PPP1R12A: variants seen among roughly 807,000 people sequenced by gnomAD.
The protein encoded by PPP1R12A is myosin binding subunit.
In PPP1R12A, 19 loss-of-function variants were observed where a neutral mutation model predicts 139.6. The ratio of observed to expected loss-of-function variants is 0.14; its 90% CI spans 0.09 to 0.20. The LOEUF (loss-of-function observed/expected upper bound fraction) is 0.20. PPP1R12A is among the 10% of genes least tolerant of loss of function. The pLI is 1.00. For missense variants in PPP1R12A, 925 were observed against 1,211.5 expected (o/e 0.76, Z 3.51); for synonymous variants, 427 against 420.6 (o/e 1.02, Z -0.19).
At position 79,877,170 on chromosome 12, in the gene PPP1R12A, G is replaced by A. The variant is rs1481016233; in HGVS notation, c.238-4232C>T. 2.6e-5 allele frequency among the ~76,000 whole-genome samples: 4 copies of A among 152,154 alleles called. 1 individual carries two copies. Among genetic ancestry groups the A allele is most frequent in the African/African-American group, 9.6e-5 (4 of 41,512 alleles). On this transcript the variant is annotated intron_variant, in intron 1 of 24. Transcript: ENST00000450142. ...AAGTGGAGGGAAGAAGTGTGAGGGG[G>A]TATTTATCATAAAAATTCCCTACCA...
intron 1 of PPP1R12A, among the ~76,000 whole-genome samples, chr12:79,927,372 A>G (rs1008518696): frequency 4.6e-5 from 7 of 152,358 alleles, no homozygotes; most frequent in South Asian, 4.1e-4. Flanking sequence ...TAATCTTGGC[A>G]CTTCCTAAAA....
In PPP1R12A at chr12:79,907,248, T is replaced by G. The variant is rs181174467; in HGVS notation, c.237+27447A>C. On this transcript the variant is annotated intron_variant, in intron 1 of 24. Coordinates refer to ENST00000450142, the MANE Select transcript of PPP1R12A (RefSeq NM_002480.3). ...AAGATTATTAAGAACAGGCAGACTC[T>G]GTCCTTCTTTTAGCTCTACTAAAAC... 1.4e-4 allele frequency among the ~76,000 whole-genome samples: 22 copies of G among 152,312 alleles called. No homozygotes were observed. In the East Asian group the frequency reaches 4.2e-3, roughly 29 times the overall value.
intron 1 of PPP1R12A, among the ~76,000 whole-genome samples, chr12:79,913,212 C>A (rs1886729055): frequency 6.6e-6 from 1 of 152,250 alleles, no homozygotes; most frequent in Non-Finnish European, 1.5e-5. Flanking sequence ...TATGCACACA[C>A]AATCTTTTCC....
At chr12:79,845,695 G>A (rs1454038434) in intron 2 of PPP1R12A, among the ~76,000 whole-genome samples, 1 of 151,994 alleles carries the variant, frequency 6.6e-6, no homozygotes, top group East Asian at 1.9e-4. Context: ...AATTAGCCGG[G>A]CGTGGTGGTG....
chr12:79,893,653 A>G (rs1884867640), intron 1 of PPP1R12A, among the ~76,000 whole-genome samples: 1 of 152,220 alleles, frequency 6.6e-6, no homozygotes, highest in Non-Finnish European at 1.5e-5. Flanking sequence ...TAGCTGACTT[A>G]CTACAGGAGA....
At chr12:79,795,559 AT>A (rs1459989512) in intron 18 of PPP1R12A, 78 bp downstream of exon 18, 2 of 1,378,032 alleles carry the variant, frequency 1.5e-6, no homozygotes, top group East Asian at 2.4e-5. Context: ...CATATAAGAA[AT>A]TATTAGTATG....
At chr12:79,917,877 C>A (rs982080516) in intron 1 of PPP1R12A, among the ~76,000 whole-genome samples, 1 of 152,074 alleles carries the variant, frequency 6.6e-6, no homozygotes, top group Non-Finnish European at 1.5e-5. Context: ...AAAAATCCAA[C>A]ATGCTCTGAG....
intron 4 of PPP1R12A, among the ~76,000 whole-genome samples, chr12:79,831,698 T>A (rs562065584): frequency 2.6e-5 from 4 of 152,314 alleles, no homozygotes; most frequent in African/African-American, 9.6e-5. Flanking sequence ...TAATTTTATA[T>A]ATTGAATAAT....
At chr12:79,926,897 T>C (rs921575174) in intron 1 of PPP1R12A, among the ~76,000 whole-genome samples, 1 of 152,012 alleles carries the variant, frequency 6.6e-6, no homozygotes, top group Non-Finnish European at 1.5e-5. Context: ...CTGTAAATGA[T>C]TAAAAAAAAC....
At chr12:79,879,860 C>T (rs371683175) in intron 1 of PPP1R12A, among the ~76,000 whole-genome samples, 132 of 150,334 alleles carry the variant, frequency 8.8e-4, no homozygotes, top group African/African-American at 2.8e-3. Context: ...AATTATACCT[C>T]AAGTTAAAAA....
chr12:79,812,352 T>G (rs941338412), intron 9 of PPP1R12A, among the ~76,000 whole-genome samples: 6 of 151,298 alleles, frequency 4.0e-5, no homozygotes, highest in African/African-American at 1.2e-4. Flanking sequence ...TTTTTCTTTT[T>G]ACTCTGACCA....
intron 1 of PPP1R12A, among the ~76,000 whole-genome samples, chr12:79,928,769 C>T (rs1332262435): frequency 6.6e-6 from 1 of 152,160 alleles, no homozygotes; most frequent in Non-Finnish European, 1.5e-5. Flanking sequence ...TTTTACACTT[C>T]ACATCTTAAG....
intron 12 of PPP1R12A, 134 bp from the exon 13 acceptor site, chr12:79,806,467 G>A: frequency 1.4e-6 from 1 of 739,544 alleles, no homozygotes; most frequent in Non-Finnish European, 2.1e-6. Context: ...ACCAGCTCCA[G>A]CACCAAGAGT....
chr12:79,812,773 C>T (rs767484762), intron 9 of PPP1R12A, among the ~76,000 whole-genome samples: 1 of 152,112 alleles, frequency 6.6e-6, no homozygotes, highest in Non-Finnish European at 1.5e-5. Context: ...CAAACCATCT[C>T]TTCTTCAGTT....
chr12:79,843,925 A>C (rs1879081552), intron 3 of PPP1R12A, among the ~76,000 whole-genome samples: 1 of 151,894 alleles, frequency 6.6e-6, no homozygotes, highest in Admixed American at 6.6e-5. Flanking sequence ...GGCTGGTCTC[A>C]AGCTCCTGAC....
intron 14 of PPP1R12A, among the ~76,000 whole-genome samples, chr12:79,800,480 G>A (rs906967724): frequency 7.2e-5 from 11 of 152,068 alleles, no homozygotes; most frequent in African/African-American, 2.7e-4. Context: ...TACAATATAT[G>A]TGCTAATCAA....
chr12:79,855,936 C>T (rs1880607030), intron 2 of PPP1R12A, among the ~76,000 whole-genome samples: 1 of 151,730 alleles, frequency 6.6e-6, no homozygotes, highest in Non-Finnish European at 1.5e-5. Flanking sequence ...AAAAAAAACA[C>T]AGTAAGCACT....
Position 79,910,406 on chromosome 12 carries a change from G to A in PPP1R12A, c.237+24289C>T, listed in dbSNP as rs182235279. ...GAGGCACAAGAATTGCTTGAACCTGGGAGGTGGGAGGTTGCAGTGAGCCGA... is the reference window on the plus strand; with the variant it reads ...GAGGCACAAGAATTGCTTGAACCTGAGAGGTGGGAGGTTGCAGTGAGCCGA... On this transcript the variant is annotated intron_variant, in intron 1 of 24. Transcript: ENST00000450142. Among the ~76,000 whole-genome samples, 787 of 152,170 alleles carry A rather than the reference G, an allele frequency of 5.2e-3. 5 individuals carry two copies. Among genetic ancestry groups the A allele is most frequent in the African/African-American group, 0.018 (747 of 41,508 alleles).
In PPP1R12A at chr12:79,925,391, T is replaced by C. The variant is rs547949635; in HGVS notation, c.237+9304A>G. Among the ~76,000 whole-genome samples the C allele has an allele frequency of 4.1e-4, 63 of 152,240 alleles. 2 individuals carry two copies. Among genetic ancestry groups the C allele is most frequent in the Admixed American group, 3.3e-3 (51 of 15,280 alleles). On this transcript the variant is annotated intron_variant, in intron 1 of 24. Transcript: ENST00000450142. The stretch of plus-strand genomic sequence containing the variant: ...CTGCACTATGCAGTATTCAAGAAAA[T>C]GACATGAGCTTTGTACAATCTTATG...
Sources: gnomAD v4.1 joint callset for allele counts (sites outside exome capture counted in the v4.1 genomes callset) on GRCh38, gnomAD v4.1.1 for gene constraint, MANE v1.5 for transcripts, NCBI Gene and HGNC (gene_info 2026-07-23, HGNC 2026-07-21) for gene names.